ARHGAP44: variants seen among roughly 807,000 people sequenced by gnomAD.
The protein encoded by ARHGAP44 is Rho GTPase activating protein 44, also known as rho GTPase-activating protein 44.
A neutral mutation model predicts 106.8 loss-of-function variants in ARHGAP44; 43 were observed. The observed-to-expected ratio is 0.40, with a 90% CI of 0.32 to 0.52. ARHGAP44 has a LOEUF of 0.52. ARHGAP44 is among the 20% of genes least tolerant of loss of function. ARHGAP44 has a pLI of 0.48. For synonymous variants in ARHGAP44, 439 were observed against 410.3 expected, an observed-to-expected ratio of 1.07 and a Z score of -0.85; for missense variants, 866 against 1,050.5, an observed-to-expected ratio of 0.82 and a Z score of 2.43.
chr17:12,901,910 G>T (rs762533123), intron 3 of ARHGAP44, among the ~76,000 whole-genome samples: 4 of 152,084 alleles, frequency 2.6e-5, no homozygotes, highest in Non-Finnish European at 5.9e-5. Flanking sequence ...TTCCTCCAAA[G>T]AATTTCCATT....
chr17:12,948,365 C>G (rs1012482695), intron 10 of ARHGAP44, among the ~76,000 whole-genome samples: 7 of 152,176 alleles, frequency 4.6e-5, no homozygotes, highest in African/African-American at 1.7e-4. Context: ...AAGGCATAGA[C>G]TTTATTTGAT....
intron 1 of ARHGAP44, among the ~76,000 whole-genome samples, chr17:12,852,417 TG>T (rs1226977947): frequency 6.6e-6 from 1 of 150,422 alleles, no homozygotes. Flanking sequence ...CCCAGGGGCT[TG>T]TCTATTTTAT....
chr17:12,817,478 G>T (rs533924803), intron 1 of ARHGAP44, among the ~76,000 whole-genome samples: 6 of 151,784 alleles, frequency 4.0e-5, no homozygotes, highest in Admixed American at 3.3e-4. Context: ...AATAGAAAAG[G>T]AGGAACAAAA....
chr17:12,946,596 C>T (rs997151484), intron 10 of ARHGAP44, among the ~76,000 whole-genome samples: 9 of 151,942 alleles, frequency 5.9e-5, no homozygotes, highest in Admixed American at 3.3e-4. Context: ...GTTAGGAATT[C>T]GAGACCAGCC....
chr17:12,916,815 G>C (rs987882953), intron 5 of ARHGAP44, among the ~76,000 whole-genome samples: 1 of 152,180 alleles, frequency 6.6e-6, no homozygotes. Flanking sequence ...AGCTTCTCAC[G>C]GGAGATAGGA....
At chr17:12,849,214 C>CAT (rs2035664183) in intron 1 of ARHGAP44, among the ~76,000 whole-genome samples, 1 of 149,170 alleles carries the variant, frequency 6.7e-6, no homozygotes, top group Non-Finnish European at 1.5e-5. Context: ...CTGAGGTGGG[C>CAT]GTGTGTGTGT....
At position 12,894,985 on chromosome 17, in the gene ARHGAP44, G is replaced by A; in HGVS notation, c.93+6G>A. The A allele has an allele frequency of 6.3e-7, 1 of 1,584,010 alleles. No individual in the cohort carries two copies. Among genetic ancestry groups the A allele is most frequent in the Non-Finnish European group, 8.6e-7 (1 of 1,164,036 alleles). Reference sequence around the variant, plus strand: ...TGAGTGAAGACCTTCTTCAGGTAAGGCGGCCATTGACACTGGCTCACAGAT... The same window carrying A: ...TGAGTGAAGACCTTCTTCAGGTAAGACGGCCATTGACACTGGCTCACAGAT... On this transcript the variant is annotated splice_donor_region_variant and intron_variant, in intron 2 of 20. Transcript: ENST00000379672.
At chr17:12,851,894 A>G (rs2035754458) in intron 1 of ARHGAP44, among the ~76,000 whole-genome samples, 1 of 151,946 alleles carries the variant, frequency 6.6e-6, no homozygotes, top group Non-Finnish European at 1.5e-5. Context: ...GCCAGGGAAT[A>G]TAATCGTTTG....
chr17:12,938,967 G>A (rs897692122), intron 7 of ARHGAP44, among the ~76,000 whole-genome samples: 6 of 152,186 alleles, frequency 3.9e-5, no homozygotes, highest in Admixed American at 1.3e-4. Flanking sequence ...TTGATGCAAC[G>A]TTTAGTCCTT....
intron 1 of ARHGAP44, among the ~76,000 whole-genome samples, chr17:12,806,518 A>G (rs867151624): frequency 6.6e-6 from 1 of 152,158 alleles, no homozygotes; most frequent in South Asian, 2.1e-4. Flanking sequence ...GGTGAATTGT[A>G]TGGTCACCCT....
chr17:12,835,432 G>A (rs2035209270), intron 1 of ARHGAP44, among the ~76,000 whole-genome samples: 1 of 152,126 alleles, frequency 6.6e-6, no homozygotes, highest in African/African-American at 2.4e-5. Flanking sequence ...TAGGCATGAT[G>A]ATAAAAGTTG....
rs1330009542 is a variant in ARHGAP44 at position 12,991,275 on chromosome 17, G to A, written c.*1104G>A. 1 of 152,570 alleles carries A rather than the reference G, an allele frequency of 6.6e-6. No individual in the cohort carries two copies. Among genetic ancestry groups the A allele is most frequent in the Non-Finnish European group, 1.5e-5 (1 of 68,048 alleles). 9.5% of individuals were successfully genotyped at this position (152,570 alleles called of 1,614,324 possible). A position where few individuals can be genotyped will look rare whatever the true frequency, so the allele number is the denominator to read the frequency against. ...TTTGGGCCATGCATGCAAAGTCAAA[G>A]TTTAAAATTTTATCCTTTTCAAATA... On this transcript the variant is annotated 3_prime_UTR_variant, in exon 21 of 21. Coordinates refer to ENST00000379672, the MANE Select transcript of ARHGAP44 (RefSeq NM_014859.6).
intron 1 of ARHGAP44, among the ~76,000 whole-genome samples, chr17:12,793,996 A>G (rs1392209561): frequency 1.4e-4 from 22 of 152,140 alleles, no homozygotes; most frequent in Admixed American, 1.4e-3. Context: ...TAACGTTGTG[A>G]TGGTGGTCAG....
chr17:12,930,748 T>C (rs2038375237), intron 7 of ARHGAP44, among the ~76,000 whole-genome samples: 1 of 152,186 alleles, frequency 6.6e-6, no homozygotes, highest in Admixed American at 6.5e-5. Context: ...TGTATTCATT[T>C]CCTCTTCAAA....
intron 4 of ARHGAP44, among the ~76,000 whole-genome samples, chr17:12,910,023 A>C (rs569605617): frequency 6.6e-6 from 1 of 152,306 alleles, no homozygotes; most frequent in South Asian, 2.1e-4. Flanking sequence ...CCAGAAGATA[A>C]TGGAGTAATA....
intron 1 of ARHGAP44, among the ~76,000 whole-genome samples, chr17:12,843,395 T>A (rs1015102414): frequency 2.0e-5 from 3 of 149,076 alleles, no homozygotes; most frequent in Non-Finnish European, 4.4e-5. Flanking sequence ...TTGCTATCTG[T>A]TCATTCATTG....
intron 16 of ARHGAP44, among the ~76,000 whole-genome samples, chr17:12,961,461 G>A (rs1049617929): frequency 8.5e-5 from 13 of 152,346 alleles, no homozygotes; most frequent in South Asian, 6.2e-4. Context: ...CAGGCCGGGC[G>A]TGGTGGCTCA....
At chr17:12,891,418 A>G (rs551259458) in intron 1 of ARHGAP44, among the ~76,000 whole-genome samples, 15 of 152,222 alleles carry the variant, frequency 9.9e-5, no homozygotes, top group Non-Finnish European at 1.9e-4. Context: ...TTCTTGCTAC[A>G]TTGTAACATG....
intron 20 of ARHGAP44, chr17:12,988,575 A>T (rs1373939010): frequency 6.6e-6 from 1 of 152,196 alleles, no homozygotes; most frequent in Non-Finnish European, 1.5e-5. Flanking sequence ...CAGCAAAACA[A>T]AGACTGGAAG....
Sources: gnomAD v4.1 joint callset for allele counts (sites outside exome capture counted in the v4.1 genomes callset) on GRCh38, gnomAD v4.1.1 for gene constraint, MANE v1.5 for transcripts, NCBI Gene and HGNC (gene_info 2026-07-23, HGNC 2026-07-21) for gene names.